The following LRFN2 variants were observed in gnomAD, a reference collection of about 807,000 sequenced individuals.
LRFN2 encodes leucine rich repeat and fibronectin type III domain containing 2.
In LRFN2, 18 loss-of-function variants were observed where a neutral mutation model predicts 37.3. The ratio of observed to expected loss-of-function variants is 0.48; its 90% CI spans 0.33 to 0.72. The LOEUF (loss-of-function observed/expected upper bound fraction) is 0.72, where lower values mean the gene tolerates loss of function less well. LRFN2 is among the 30% of genes least tolerant of loss of function. LRFN2 has a pLI of 0.02. For synonymous variants in LRFN2, 556 were observed against 466.6 expected (o/e 1.19, Z -2.47); for missense variants, 1,006 against 1,060.7 (o/e 0.95, Z 0.72).
chr6:40,432,515 G>A lies in LRFN2; in HGVS notation c.599C>T (p.Ala200Val), dbSNP rs369431304. 24 of 1,614,118 alleles carry A rather than the reference G, an allele frequency of 1.5e-5. No homozygotes were observed. The highest frequency in any genetic ancestry group is 2.2e-5 in the East Asian group (1 of 44,886). The change falls in exon 2 of 3, where the codon GCC becomes GTC. Residue 200 changes from alanine (A) to valine (V), a missense_variant. Ala to Val is a moderately conservative substitution (Grantham distance 64). This residue lies in a region of LRFN2 where 303 missense variants were observed against 299.8 expected (regional missense o/e 1.01). Transcript: ENST00000338305. The stretch of plus-strand genomic sequence containing the variant: ...CCGATTGGAGGTGAGATCCAGGCGG[G>A]CCAGTTTCTGCAGGTCTGCAAAGGT... ...EGTFADLQKL[A>V]RLDLTSNRLQ...
intron 2 of LRFN2, among the ~76,000 whole-genome samples, chr6:40,410,426 AG>A (rs1762942731): frequency 6.6e-6 from 1 of 152,184 alleles, no homozygotes; most frequent in African/African-American, 2.4e-5. Context: ...CACAGGAGTT[AG>A]CATCAAAGTG....
chr6:40,483,357 G>A (rs1018738907), intron 1 of LRFN2, among the ~76,000 whole-genome samples: 21 of 152,180 alleles, frequency 1.4e-4, no homozygotes, highest in Middle Eastern at 3.4e-3. Context: ...CCACTATTGC[G>A]CTGGCAGAGT....
At chr6:40,485,219 C>A (rs576744696) in intron 1 of LRFN2, among the ~76,000 whole-genome samples, 1 of 152,196 alleles carries the variant, frequency 6.6e-6, no homozygotes, top group South Asian at 2.1e-4. Flanking sequence ...GATGACATCT[C>A]AAAGTAGCTC....
rs1054253025 is a variant in LRFN2 at position 40,551,161 on chromosome 6, C to T, written c.-19+35780G>A. Among the ~76,000 whole-genome samples the T allele has an allele frequency of 1.3e-5, 2 of 152,158 alleles. 1 individual carries two copies. The highest frequency in any genetic ancestry group is 1.3e-4 in the Admixed American group (2 of 15,270). On this transcript the variant is annotated intron_variant, in intron 1 of 2. Transcript: ENST00000338305. ...GTCCAGAGGAACATGTGATCCAAGT[C>T]AGTCCACTGGGGGTGACTCTTAGGG... is the stretch of plus-strand genomic sequence containing the variant.
intron 1 of LRFN2, among the ~76,000 whole-genome samples, chr6:40,435,690 C>T (rs1039190979): frequency 2.0e-5 from 3 of 152,118 alleles, no homozygotes; most frequent in Non-Finnish European, 2.9e-5. Flanking sequence ...AGGTGCCCGC[C>T]ACCACACCCG....
At chr6:40,492,890 G>A (rs1765125816) in intron 1 of LRFN2, among the ~76,000 whole-genome samples, 1 of 152,172 alleles carries the variant, frequency 6.6e-6, no homozygotes, top group African/African-American at 2.4e-5. Context: ...TACCCTGGGG[G>A]AGCTTCCATT....
chr6:40,561,944 G>C (rs1342781659), intron 1 of LRFN2, among the ~76,000 whole-genome samples: 1 of 152,172 alleles, frequency 6.6e-6, no homozygotes, highest in African/African-American at 2.4e-5. Flanking sequence ...TCCCTAAGCA[G>C]AAAACCATCA....
chr6:40,427,619 AC>A, intron 2 of LRFN2, among the ~76,000 whole-genome samples: 1 of 152,262 alleles, frequency 6.6e-6, no homozygotes, highest in Non-Finnish European at 1.5e-5. Context: ...CCCTTAGTGA[AC>A]CCATGTTAGG....
At chr6:40,515,912 AAAG>A (rs1765856795) in intron 1 of LRFN2, among the ~76,000 whole-genome samples, 5 of 151,538 alleles carry the variant, frequency 3.3e-5, no homozygotes, top group Non-Finnish European at 7.4e-5. Context: ...AAAAAAAAAA[AAAG>A]AAGTCTTCAA....
intron 2 of LRFN2, among the ~76,000 whole-genome samples, chr6:40,397,800 G>A (rs971941558): frequency 1.3e-5 from 2 of 152,050 alleles, no homozygotes; most frequent in Non-Finnish European, 2.9e-5. Flanking sequence ...GAGGTGTTAC[G>A]TCTGCCTCAT....
At chr6:40,550,884 G>A (rs181354692) in intron 1 of LRFN2, among the ~76,000 whole-genome samples, 2 of 152,294 alleles carry the variant, frequency 1.3e-5, no homozygotes, top group African/African-American at 2.4e-5. Flanking sequence ...GTCTCCCCGC[G>A]GGCATGGGGT....
intron 1 of LRFN2, among the ~76,000 whole-genome samples, chr6:40,433,916 G>A (rs1458777259): frequency 1.3e-5 from 2 of 152,250 alleles, no homozygotes; most frequent in South Asian, 2.1e-4. Flanking sequence ...CCCTTCAGAA[G>A]GAAGGGATTA....
At chr6:40,544,367 G>A (rs1766615018) in intron 1 of LRFN2, among the ~76,000 whole-genome samples, 3 of 152,232 alleles carry the variant, frequency 2.0e-5, no homozygotes, top group South Asian at 4.1e-4. Flanking sequence ...GTGTCACTGT[G>A]AAGCTGTGAT....
Position 40,413,653 on chromosome 6 carries a change from G to T in LRFN2, c.1400+18061C>A, listed in dbSNP as rs139866964. Among the ~76,000 whole-genome samples, 81 of 152,240 alleles carry T rather than the reference G, an allele frequency of 5.3e-4. No homozygotes were observed. In the East Asian group the frequency reaches 0.015, roughly 29 times the overall value. On this transcript the variant is annotated intron_variant, in intron 2 of 2. Coordinates refer to ENST00000338305, the MANE Select transcript of LRFN2 (RefSeq NM_020737.3). ...TCCCAGCATGGAGAAGGGGTGGAAGGCATGCATCAGCCTGCCTGCCTCAGA... is the reference window on the plus strand; with the variant it reads ...TCCCAGCATGGAGAAGGGGTGGAAGTCATGCATCAGCCTGCCTGCCTCAGA...
At chr6:40,545,263 C>T (rs78105145) in intron 1 of LRFN2, among the ~76,000 whole-genome samples, 1,539 of 152,300 alleles carry the variant, frequency 0.01, 26 homozygotes, top group African/African-American at 0.035. Context: ...CAGTTATAAA[C>T]TCTTTCTCTC....
At chr6:40,444,765 G>A (rs1763926679) in intron 1 of LRFN2, among the ~76,000 whole-genome samples, 1 of 152,112 alleles carries the variant, frequency 6.6e-6, no homozygotes, top group Admixed American at 6.5e-5. Flanking sequence ...AAGGAGCAGT[G>A]AAGACTCAGA....
intron 2 of LRFN2, among the ~76,000 whole-genome samples, chr6:40,414,989 C>A (rs1267433144): frequency 6.6e-6 from 1 of 152,156 alleles, no homozygotes; most frequent in Non-Finnish European, 1.5e-5. Flanking sequence ...TTCAGAGGAG[C>A]TTCTTCAGCC....
At chr6:40,533,019 G>A (rs1167186805) in intron 1 of LRFN2, among the ~76,000 whole-genome samples, 1 of 152,190 alleles carries the variant, frequency 6.6e-6, no homozygotes, top group African/African-American at 2.4e-5. Flanking sequence ...GTGTTAAGTG[G>A]CACAGTGTTA....
At chr6:40,468,246 C>T (rs574638268) in intron 1 of LRFN2, among the ~76,000 whole-genome samples, 2 of 152,194 alleles carry the variant, frequency 1.3e-5, no homozygotes, top group East Asian at 3.9e-4. Flanking sequence ...CCTTCTTCCC[C>T]ACCCACAAGC....
Sources: allele counts gnomAD v4.1 joint callset (sites outside exome capture counted in the v4.1 genomes callset), GRCh38; gene constraint gnomAD v4.1.1; regional missense constraint gnomAD v4.1.1; transcripts MANE v1.5; gene names NCBI Gene and HGNC (gene_info 2026-07-23, HGNC 2026-07-21).